Variants in SNX5 observed in about 807,000 individuals in gnomAD.
The protein encoded by SNX5 is sorting nexin-5.
Under a neutral mutation model 53.9 loss-of-function variants are expected in SNX5, and 31 were observed. That is an observed-to-expected ratio of 0.58 (90% CI 0.43 to 0.78). SNX5 has a LOEUF of 0.78. Among genes scored for constraint, SNX5 ranks in the 30% least tolerant of loss-of-function variants. The pLI is 0.00. For synonymous variants in SNX5, 168 were observed against 171.1 expected (o/e 0.98, Z 0.14); for missense variants, 471 against 478.8 (o/e 0.98, Z 0.15).
In SNX5 at chr20:17,968,397, T is replaced by G. The variant is rs1170529332; in HGVS notation, c.29A>C (p.Gln10Pro). Residue 10 changes from glutamine (Q) to proline (P), a missense_variant, in exon 1 of 13, where the codon CAG becomes CCG. Transcript: ENST00000377759. ...CACCTTGCTGCGGTCCTCCTCCTGCTGCTGCAGCAACTCGGGAACCGCGGC... is the reference window on the plus strand; with the variant it reads ...CACCTTGCTGCGGTCCTCCTCCTGCGGCTGCAGCAACTCGGGAACCGCGGC... MAAVPELLQ[Q>P]QEEDRSKLRS... 7.8e-7 allele frequency: 1 copy of G among 1,287,238 alleles called. No homozygotes were observed. The highest frequency in any genetic ancestry group is 9.9e-7 in the Non-Finnish European group (1 of 1,013,974). 79.7% of individuals were successfully genotyped at this position (1,287,238 alleles called of 1,614,324 possible).
intron 8 of SNX5, 145 bp downstream of exon 8, chr20:17,949,987 A>G (rs2039541633): frequency 3.1e-6 from 2 of 642,340 alleles, no homozygotes; most frequent in Admixed American, 2.9e-5. Flanking sequence ...TCCAGAGAAC[A>G]TGTAAGATGA....
At chr20:17,962,822 G>C (rs373479580) in intron 1 of SNX5, 2 of 519,030 alleles carry the variant, frequency 3.9e-6, no homozygotes, top group Non-Finnish European at 7.7e-6. Context: ...GTTCACAGTA[G>C]AACACTGCAG....
At chr20:17,954,206 G>A (rs1193024323) in intron 3 of SNX5, 89 bp from the exon 4 acceptor site, 12 of 1,559,500 alleles carry the variant, frequency 7.7e-6, no homozygotes, top group African/African-American at 4.1e-5. Context: ...TGGTCCACAG[G>A]AGACAACCAC....
intron 1 of SNX5, chr20:17,962,934 A>G (rs1177480335): frequency 3.9e-6 from 2 of 516,712 alleles, no homozygotes; most frequent in African/African-American, 3.8e-5. Flanking sequence ...GATAAACTGA[A>G]TCATCATTTC....
At position 17,968,526 on chromosome 20, in the gene SNX5, C is replaced by A; in HGVS notation, c.-101G>T. 1 of 1,117,436 alleles carries A rather than the reference C, an allele frequency of 8.9e-7. No homozygotes were observed. 69.2% of individuals were successfully genotyped at this position (1,117,436 alleles called of 1,614,324 possible). A position where few individuals can be genotyped will look rare whatever the true frequency, so the allele number is the denominator to read the frequency against. ...GGGCGCCTCTCGGGGGCGGCCACGGCCCCGCCTCCGCCGGCCTCCCTGCCC... is the reference window on the plus strand; with the variant it reads ...GGGCGCCTCTCGGGGGCGGCCACGGACCCGCCTCCGCCGGCCTCCCTGCCC... On this transcript the variant is annotated 5_prime_UTR_variant, in exon 1 of 13. Coordinates refer to ENST00000377759, the MANE Select transcript of SNX5 (RefSeq NM_014426.4).
At chr20:17,961,650 G>C (rs1376368805) in intron 1 of SNX5, 3 of 984,522 alleles carry the variant, frequency 3.0e-6, no homozygotes, top group African/African-American at 1.7e-5. Flanking sequence ...TGACTTCCTA[G>C]TTTCCATTCC....
At chr20:17,945,519 T>C (rs2039475775) in intron 11 of SNX5, 1 of 152,062 alleles carries the variant, frequency 6.6e-6, no homozygotes, top group African/African-American at 2.4e-5. Context: ...TTATGTTTTT[T>C]CTTCAATCTC....
Position 17,968,643 on chromosome 20 carries a change from C to T in SNX5, c.-218G>A. The T allele has an allele frequency of 1.6e-6, 1 of 614,974 alleles. No homozygotes were observed. The highest frequency in any genetic ancestry group is 2.9e-6 in the Non-Finnish European group (1 of 339,390). The allele number at this position is 614,974 out of a possible 1,614,324, so 38.1% of individuals were successfully genotyped here. A position where few individuals can be genotyped will look rare whatever the true frequency, so the allele number is the denominator to read the frequency against. On this transcript the variant is annotated 5_prime_UTR_variant, in exon 1 of 13. Coordinates refer to ENST00000377759, the MANE Select transcript of SNX5 (RefSeq NM_014426.4). ...GCCACGTGCTCCCCCAGAGCAGCCT[C>T]CCAGTCCCCGCTGCCGTCCATCTTG...
At chr20:17,958,555 CA>C (rs2035400984) in intron 1 of SNX5, among the ~76,000 whole-genome samples, 1 of 152,160 alleles carries the variant, frequency 6.6e-6, no homozygotes, top group Non-Finnish European at 1.5e-5. Context: ...ATTTTAACAT[CA>C]ACTATTAGTA....
chr20:17,960,637 C>G (rs2122408841), intron 1 of SNX5, among the ~76,000 whole-genome samples: 1 of 151,970 alleles, frequency 6.6e-6, no homozygotes, highest in Middle Eastern at 3.4e-3. Context: ...ATTAGCCTGG[C>G]ATGGTGGCGT....
chr20:17,942,480 A>G, intron 12 of SNX5, 73 bp from the exon 13 acceptor site: 2 of 1,121,374 alleles, frequency 1.8e-6, no homozygotes, highest in Non-Finnish European at 1.4e-6. Context: ...ACTCAAGTAC[A>G]CCAACACGGC....
chr20:17,961,836 G>A (rs2035456957), intron 1 of SNX5: 2 of 985,282 alleles, frequency 2.0e-6, no homozygotes, highest in South Asian at 4.7e-5. Flanking sequence ...TTAGCATGGA[G>A]CCAAGAAGCC....
At chr20:17,949,294 T>C (rs1480169231) in intron 8 of SNX5, among the ~76,000 whole-genome samples, 191 bp from the exon 9 acceptor site, 3 of 152,208 alleles carry the variant, frequency 2.0e-5, no homozygotes, top group South Asian at 2.1e-4. Flanking sequence ...ATTACACACA[T>C]GTACAGCACC....
At chr20:17,960,255 G>A (rs1415713793) in intron 1 of SNX5, among the ~76,000 whole-genome samples, 1 of 152,014 alleles carries the variant, frequency 6.6e-6, no homozygotes. Flanking sequence ...GAGGTCAGGA[G>A]ATCGAGACCA....
rs1285700626 is a variant in SNX5, at chr20:17,957,052, T to C, written c.52-15A>G. 1.4e-6 allele frequency: 2 copies of C among 1,467,332 alleles called. No individual in the cohort carries two copies. The highest frequency in any genetic ancestry group is 1.4e-5 in the African/African-American group (1 of 72,028). The allele number at this position is 1,467,332 out of a possible 1,614,324, so 90.9% of individuals were successfully genotyped here. A position where few individuals can be genotyped will look rare whatever the true frequency, so the allele number is the denominator to read the frequency against. On this transcript the variant is annotated splice_polypyrimidine_tract_variant and intron_variant, in intron 1 of 12. Transcript: ENST00000377759. ...ACAGATCTCAGCTGAAATACATTTTTTGCGTATTAGTTTCAAACTCATTTG... is the reference window on the plus strand; with the variant it reads ...ACAGATCTCAGCTGAAATACATTTTCTGCGTATTAGTTTCAAACTCATTTG...
intron 2 of SNX5, among the ~76,000 whole-genome samples, chr20:17,956,684 AAAAAAAAAAAAAAAAAAAAAC>A (rs1260001175): frequency 4.3e-5 from 3 of 69,958 alleles, no homozygotes; most frequent in African/African-American, 1.2e-4. Flanking sequence ...AAAAAAAAAA[AAAAAAAAAAAAAAAAAAAAAC>A]AAAAAAACAA....
At chr20:17,947,396 C>A in intron 11 of SNX5, 90 bp downstream of exon 11, 2 of 1,393,776 alleles carry the variant, frequency 1.4e-6, no homozygotes, top group Non-Finnish European at 2.0e-6. Context: ...GTGAAGGATA[C>A]ATGGGTGTTT....
In SNX5 at chr20:17,956,688, AAAAAAAAAAAAAAAAAC is replaced by A. The variant is rs1404561540; in HGVS notation, c.156+228_156+244del. ...AGACTGTCTCCAAAAAAAAAAAAAAAAAAAAAAAAAAAAAAACAAAAAAACAATGCCCACAGCCCAGG... is the reference window on the plus strand; with the variant it reads ...AGACTGTCTCCAAAAAAAAAAAAAAAAAAAAAACAATGCCCACAGCCCAGG... On this transcript the variant is annotated intron_variant, in intron 2 of 12. Transcript: ENST00000377759. 2.3e-3 allele frequency among the ~76,000 whole-genome samples: 330 copies of A among 143,796 alleles called. 6 individuals are homozygous for A. In the East Asian group the frequency reaches 0.042, roughly 18 times the overall value. 94.3% of individuals were successfully genotyped at this position (143,796 alleles called of 152,430 possible).
intron 1 of SNX5, among the ~76,000 whole-genome samples, chr20:17,967,071 AT>A (rs2035551713): frequency 6.6e-6 from 1 of 152,196 alleles, no homozygotes; most frequent in African/African-American, 2.4e-5. Flanking sequence ...CCATTCTCCA[AT>A]TTTGCTGGAG....
Sources: allele counts gnomAD v4.1 joint callset (sites outside exome capture counted in the v4.1 genomes callset), GRCh38; gene constraint gnomAD v4.1.1; transcripts MANE v1.5; gene names NCBI Gene and HGNC (gene_info 2026-07-23, HGNC 2026-07-21).